Variants in YTHDC2 observed in about 807,000 individuals in gnomAD.
The protein encoded by YTHDC2 is 3'-5' RNA helicase YTHDC2.
YTHDC2 carries 45 observed loss-of-function variants against 174.9 expected under a neutral mutation model. The observed-to-expected ratio is 0.26, with a 90% CI of 0.20 to 0.33. The LOEUF is 0.33. Ranked by LOEUF, YTHDC2 falls within the 10% of genes least tolerant of loss-of-function variation. YTHDC2 has a pLI of 1.00. For missense variants in YTHDC2, 1,650 were observed against 1,723.7 expected, an observed-to-expected ratio of 0.96 and a Z score of 0.76; for synonymous variants, 657 against 574.5, an observed-to-expected ratio of 1.14 and a Z score of -2.05.
At chr5:113,572,580 C>T (rs190198354) in intron 23 of YTHDC2, among the ~76,000 whole-genome samples, 79 of 152,246 alleles carry the variant, frequency 5.2e-4, no homozygotes, top group Admixed American at 2.1e-3. Context: ...AAGTCTCCCA[C>T]TATTATTGTA....
Position 113,584,456 on chromosome 5 carries a change from CCTT to C in YTHDC2, c.3805_3807del (p.Ser1269del). On this transcript the variant is annotated inframe_deletion, in exon 26 of 30. Coordinates refer to ENST00000161863, the MANE Select transcript of YTHDC2 (RefSeq NM_022828.5). ...TAGTTACCCAAGTCCTTGTGCTAGT[CCTT>C]CTCCTCCATCCTCAGGAAAGGTAAG... 6.2e-7 allele frequency: 1 copy of C among 1,612,292 alleles called. No individual in the cohort carries two copies. The highest frequency in any genetic ancestry group is 1.7e-5 in the Admixed American group (1 of 59,870).
At chr5:113,518,121 C>G (rs1209897987) in intron 2 of YTHDC2, among the ~76,000 whole-genome samples, 1 of 151,412 alleles carries the variant, frequency 6.6e-6, no homozygotes, top group African/African-American at 2.4e-5. Context: ...ATCTCCTGAC[C>G]TCGTGATCTG....
At chr5:113,526,822 AAAAAATATATATATAT>A in intron 4 of YTHDC2, 37 bp downstream of exon 4, 2 of 351,932 alleles carry the variant, frequency 5.7e-6, no homozygotes, top group Non-Finnish European at 8.4e-6. Context: ...AAAAAAAAAA[AAAAAATATATATATAT>A]ATATATATAT....
At chr5:113,565,870 A>G in intron 20 of YTHDC2, 23 bp from the exon 21 acceptor site, 1 of 1,606,638 alleles carries the variant, frequency 6.2e-7, no homozygotes, top group African/African-American at 1.3e-5. Flanking sequence ...GTGTCTTGTT[A>G]TGCAATTATT....
Position 113,593,328 on chromosome 5 carries a change from A to C in YTHDC2, c.4238A>C (p.Gln1413Pro). Reference sequence around the variant, plus strand: ...GAACTAGAACCTCTGGTTGGTGAACAGTTGCTCCAGTTATGGGAACGTCTT... The same window carrying C: ...GAACTAGAACCTCTGGTTGGTGAACCGTTGCTCCAGTTATGGGAACGTCTT... ...GQELEPLVGE[Q>P]LLQLWERLPL... is the part of the protein sequence containing the mutation. Residue 1413 changes from glutamine (Q) to proline (P), a missense_variant, in exon 29 of 30, where the codon CAG becomes CCG. Physicochemically the swap from Gln to Pro is moderately conservative, Grantham distance 76. Coordinates refer to ENST00000161863, the MANE Select transcript of YTHDC2 (RefSeq NM_022828.5). 1 of 1,612,816 alleles carries C rather than the reference A, an allele frequency of 6.2e-7. No individual in the cohort carries two copies. The highest frequency in any genetic ancestry group is 8.5e-7 in the Non-Finnish European group (1 of 1,179,110).
At chr5:113,533,625 A>G (rs1335454428) in intron 5 of YTHDC2, among the ~76,000 whole-genome samples, 2 of 152,134 alleles carry the variant, frequency 1.3e-5, no homozygotes, top group Non-Finnish European at 1.5e-5. Flanking sequence ...GTTCTTATCT[A>G]TAAAATGAGT....
At chr5:113,567,404 T>TTTTATA (rs770114357) in intron 22 of YTHDC2, 107 bp downstream of exon 22, 35 of 287,594 alleles carry the variant, frequency 1.2e-4, no homozygotes, top group African/African-American at 2.3e-4. Context: ...AATTAATTAG[T>TTTTATA]TATATATATA....
intron 12 of YTHDC2, 21 bp from the exon 13 acceptor site, chr5:113,553,160 T>TC (rs1776367051): frequency 1.2e-6 from 1 of 824,896 alleles, no homozygotes; most frequent in African/African-American, 1.7e-5. Flanking sequence ...ACTTTGTCTT[T>TC]TTTTTTTTTT....
chr5:113,570,038 A>G (rs948607768), intron 23 of YTHDC2, among the ~76,000 whole-genome samples: 8 of 152,138 alleles, frequency 5.3e-5, no homozygotes, highest in African/African-American at 1.7e-4. Flanking sequence ...TTCTCCTTGA[A>G]GAGGTCCTTC....
chr5:113,589,899 C>T (rs1200603984), intron 26 of YTHDC2, among the ~76,000 whole-genome samples: 1 of 152,112 alleles, frequency 6.6e-6, no homozygotes, highest in Non-Finnish European at 1.5e-5. Context: ...TTACTTTTGG[C>T]ATTTTTTTCT....
chr5:113,534,000 G>T (rs1445791048), intron 5 of YTHDC2, among the ~76,000 whole-genome samples: 8 of 152,032 alleles, frequency 5.3e-5, no homozygotes, highest in Non-Finnish European at 1.0e-4. Flanking sequence ...ATTCTCAGTG[G>T]TGATTAAAAA....
rs763371286 is a variant in YTHDC2 at position 113,517,480 on chromosome 5, A to G, written c.278+2118A>G. ...CAGTAGCATAGTCATGTAAGAGCTGATCTGGAATGAATAGATATCTTGGGA... is the reference window on the plus strand; with the variant it reads ...CAGTAGCATAGTCATGTAAGAGCTGGTCTGGAATGAATAGATATCTTGGGA... On this transcript the variant is annotated intron_variant, in intron 2 of 29. Coordinates refer to ENST00000161863, the MANE Select transcript of YTHDC2 (RefSeq NM_022828.5). The G allele has an allele frequency of 3.2e-4, 144 of 451,278 alleles. 1 individual carries two copies. Among genetic ancestry groups the G allele is most frequent in the Non-Finnish European group, 5.6e-4 (125 of 224,682 alleles). 28.0% of individuals were successfully genotyped at this position (451,278 alleles called of 1,614,324 possible).
chr5:113,517,535 C>A, intron 2 of YTHDC2: 12 of 455,396 alleles, frequency 2.6e-5, no homozygotes, highest in South Asian at 1.9e-4. Context: ...GTTATGGAGA[C>A]AAAAATGGGG....
At chr5:113,561,244 T>G in intron 18 of YTHDC2, 59 bp downstream of exon 18, 3 of 1,347,184 alleles carry the variant, frequency 2.2e-6, no homozygotes, top group Non-Finnish European at 3.1e-6. Flanking sequence ...GAGGGGCCAT[T>G]TCAACTTCTA....
At chr5:113,514,439 C>T (rs929406295) in intron 1 of YTHDC2, among the ~76,000 whole-genome samples, 2 of 152,190 alleles carry the variant, frequency 1.3e-5, no homozygotes, top group Admixed American at 6.5e-5. Flanking sequence ...CACGTTTAAG[C>T]TACAGATGTA....
At chr5:113,525,891 A>G (rs1320785111) in intron 3 of YTHDC2, among the ~76,000 whole-genome samples, 1 of 152,118 alleles carries the variant, frequency 6.6e-6, no homozygotes, top group Non-Finnish European at 1.5e-5. Flanking sequence ...ATATCAAAGA[A>G]CTTTCACTTT....
chr5:113,575,282 T>C (rs1777970910), intron 23 of YTHDC2, among the ~76,000 whole-genome samples: 2 of 152,252 alleles, frequency 1.3e-5, no homozygotes, highest in Admixed American at 1.3e-4. Flanking sequence ...AGCAAATATT[T>C]AGTACCTACT....
intron 7 of YTHDC2, 66 bp downstream of exon 7, chr5:113,535,864 C>G: frequency 7.5e-7 from 1 of 1,327,724 alleles, no homozygotes; most frequent in Non-Finnish European, 1.0e-6. Context: ...ATTATTTATC[C>G]TAACAGAAAC....
intron 16 of YTHDC2, 142 bp downstream of exon 16, chr5:113,554,164 A>G: frequency 1.5e-6 from 1 of 662,482 alleles, no homozygotes; most frequent in East Asian, 3.3e-5. Flanking sequence ...TGCTTTTATA[A>G]GCAGAATTTA....
Sources: allele counts gnomAD v4.1 joint callset (sites outside exome capture counted in the v4.1 genomes callset), GRCh38; gene constraint gnomAD v4.1.1; transcripts MANE v1.5; gene names NCBI Gene and HGNC (gene_info 2026-07-23, HGNC 2026-07-21).